L3MBTL4: variants seen among roughly 807,000 people sequenced by gnomAD.
L3MBTL4 encodes the protein lethal(3)malignant brain tumor-like protein 4.
L3MBTL4 carries 70 observed loss-of-function variants against 84.5 expected under a neutral mutation model. The ratio of observed to expected loss-of-function variants is 0.83; its 90% CI spans 0.68 to 1.01. L3MBTL4 has a LOEUF of 1.01. Among genes scored for constraint, L3MBTL4 ranks in the 50% least tolerant of loss-of-function variants. The pLI, the probability that L3MBTL4 is intolerant of heterozygous loss-of-function variation, is 0.00. For missense variants in L3MBTL4, 715 were observed against 754.8 expected, an observed-to-expected ratio of 0.95 and a Z score of 0.62; for synonymous variants, 274 against 259.8, an observed-to-expected ratio of 1.05 and a Z score of -0.52.
intron 16 of L3MBTL4, among the ~76,000 whole-genome samples, chr18:6,054,748 C>T (rs1296180855): frequency 6.6e-6 from 1 of 152,214 alleles, no homozygotes. Context: ...ATGGCCTGTG[C>T]CTAGAATAAT....
At chr18:6,171,767 C>T in intron 13 of L3MBTL4, 61 bp downstream of exon 13, 2 of 980,996 alleles carry the variant, frequency 2.0e-6, no homozygotes, top group Non-Finnish European at 3.1e-6. Flanking sequence ...GAATAAGCAA[C>T]ATTACGGCTG....
chr18:6,342,523 C>T (rs2052656720), intron 1 of L3MBTL4, among the ~76,000 whole-genome samples: 2 of 151,878 alleles, frequency 1.3e-5, no homozygotes, highest in Non-Finnish European at 2.9e-5. Context: ...ACTGCTGTAA[C>T]TGTAAGTGTT....
At chr18:6,041,552 G>A (rs977464198) in intron 16 of L3MBTL4, among the ~76,000 whole-genome samples, 7 of 148,618 alleles carry the variant, frequency 4.7e-5, no homozygotes, top group Non-Finnish European at 7.4e-5. Flanking sequence ...AATGGCAGTC[G>A]GGAAGAGCCT....
chr18:6,130,229 C>A (rs575226597), intron 14 of L3MBTL4, among the ~76,000 whole-genome samples: 1 of 152,214 alleles, frequency 6.6e-6, no homozygotes, highest in East Asian at 1.9e-4. Flanking sequence ...AGGCCTTAAA[C>A]CTGACTAGTG....
intron 12 of L3MBTL4, among the ~76,000 whole-genome samples, chr18:6,193,079 A>T (rs2045199085): frequency 6.6e-6 from 1 of 152,056 alleles, no homozygotes; most frequent in Non-Finnish European, 1.5e-5. Flanking sequence ...AGGATGTGAG[A>T]AACTGCAATC....
At position 6,197,908 on chromosome 18, in the gene L3MBTL4, C is replaced by T. The variant is rs541863419; in HGVS notation, c.981+15241G>A. 2.6e-5 allele frequency among the ~76,000 whole-genome samples: 4 copies of T among 152,306 alleles called. No individual in the cohort carries two copies. The South Asian group carries it at 8.3e-4, about 32-fold the overall frequency. On this transcript the variant is annotated intron_variant, in intron 12 of 18. Transcript: ENST00000317931. Reference sequence around the variant, plus strand: ...CACTGTTGAGCCCGCAGCCCAGAAGCGTCTGTTAGGTTAAGTGGTGCAGGT... The same window carrying T: ...CACTGTTGAGCCCGCAGCCCAGAAGTGTCTGTTAGGTTAAGTGGTGCAGGT...
Position 5,956,303 on chromosome 18 carries a change from T to C in L3MBTL4, c.1762A>G (p.Ile588Val). The C allele has an allele frequency of 1.2e-6, 2 of 1,614,130 alleles. No homozygotes were observed. Among genetic ancestry groups the C allele is most frequent in the Non-Finnish European group, 1.7e-6 (2 of 1,179,994 alleles). ...MKIKLGPALK[I>V]YNSILMFRHS... ...CTGAACATCAGGATAGAGTTGTAAATCTTCAGTGCTGGGCCCAGTTTGATC... is the reference window on the plus strand; with the variant it reads ...CTGAACATCAGGATAGAGTTGTAAACCTTCAGTGCTGGGCCCAGTTTGATC... The change falls in exon 19 of 19, where the codon ATT becomes GTT. Residue 588 changes from isoleucine to valine, a missense_variant. Transcript: ENST00000317931.
In L3MBTL4 at chr18:6,375,913, G is replaced by A. The variant is rs1158015507; in HGVS notation, c.-91+38888C>T. Among the ~76,000 whole-genome samples, 8 of 152,166 alleles carry A rather than the reference G, an allele frequency of 5.3e-5. No individual in the cohort carries two copies. The East Asian group carries it at 7.7e-4, about 15-fold the overall frequency. ...AACTCAGGCGAGGGCACTAGTTTAG[G>A]TTTAGACACGCTAAAAACATGAGGT... On this transcript the variant is annotated intron_variant, in intron 1 of 18. Coordinates refer to ENST00000317931, the MANE Select transcript of L3MBTL4 (RefSeq NM_001330559.2).
chr18:6,168,982 G>T (rs566010074), intron 13 of L3MBTL4, among the ~76,000 whole-genome samples: 1,661 of 151,972 alleles, frequency 0.011, 43 homozygotes, highest in African/African-American at 0.038. Context: ...AAATTTACAA[G>T]AAAAAAACAA....
chr18:6,147,782 T>C (rs1033292217), intron 13 of L3MBTL4, among the ~76,000 whole-genome samples: 9 of 152,196 alleles, frequency 5.9e-5, no homozygotes, highest in Non-Finnish European at 1.3e-4. Context: ...GGCAAAAATA[T>C]CATGTGGTAC....
In L3MBTL4 at chr18:6,353,922, G is replaced by GA. The variant is rs1220764917; in HGVS notation, c.-90-41867dup. Among the ~76,000 whole-genome samples, 9 of 151,950 alleles carry GA rather than the reference G, an allele frequency of 5.9e-5. No homozygotes were observed. The East Asian group carries it at 9.7e-4, about 16-fold the overall frequency. On this transcript the variant is annotated intron_variant, in intron 1 of 18. Coordinates refer to ENST00000317931, the MANE Select transcript of L3MBTL4 (RefSeq NM_001330559.2). ...ACCACTGACATTATTCACAGAAATAGAAAAAAGAATCCTAAAATTTATATG... is the reference window on the plus strand; with the variant it reads ...ACCACTGACATTATTCACAGAAATAGAAAAAAAGAATCCTAAAATTTATATG...
Position 6,241,597 on chromosome 18 carries a change from G to T in L3MBTL4, c.461-148C>A, listed in dbSNP as rs79623323. The stretch of plus-strand genomic sequence containing the variant: ...ATTACTTTTGCACCAACCTCATATG[G>T]TTATTATTAGTGTCCTGCCATAAAT... On this transcript the variant is annotated intron_variant, in intron 7 of 18. Coordinates refer to ENST00000317931, the MANE Select transcript of L3MBTL4 (RefSeq NM_001330559.2). 2,236 of 516,072 alleles carry T rather than the reference G, an allele frequency of 4.3e-3. 37 individuals carry two copies. Among genetic ancestry groups the T allele is most frequent in the African/African-American group, 0.038 (1,946 of 50,626 alleles). The allele number at this position is 516,072 out of a possible 1,614,324, so 32.0% of individuals were successfully genotyped here.
In L3MBTL4 at chr18:6,215,323, G is replaced by T. The variant is rs114721772; in HGVS notation, c.870+427C>A. Among the ~76,000 whole-genome samples the T allele has an allele frequency of 3.5e-3, 528 of 152,206 alleles. 1 individual carries two copies. Among genetic ancestry groups the T allele is most frequent in the African/African-American group, 0.012 (491 of 41,530 alleles). ...TATTCTAACAAATGCTGAAAGAAAG[G>T]TTTACCTCAAAATATATAACATTAT... On this transcript the variant is annotated intron_variant, in intron 11 of 18. Transcript: ENST00000317931.
intron 13 of L3MBTL4, among the ~76,000 whole-genome samples, chr18:6,140,532 A>T (rs1471542256): frequency 1.3e-5 from 2 of 152,116 alleles, no homozygotes; most frequent in Non-Finnish European, 2.9e-5. Flanking sequence ...GAGGACCAGG[A>T]GCCCATGGAC....
intron 1 of L3MBTL4, among the ~76,000 whole-genome samples, chr18:6,314,412 A>G (rs2050991113): frequency 6.6e-6 from 1 of 152,242 alleles, no homozygotes; most frequent in African/African-American, 2.4e-5. Context: ...AAGTAAAGGT[A>G]TATACCAACT....
At chr18:6,125,301 G>C (rs1268088881) in intron 14 of L3MBTL4, among the ~76,000 whole-genome samples, 2 of 152,174 alleles carry the variant, frequency 1.3e-5, no homozygotes, top group Non-Finnish European at 2.9e-5. Flanking sequence ...ATTGGCATAT[G>C]TACAAGTTAT....
intron 14 of L3MBTL4, among the ~76,000 whole-genome samples, chr18:6,109,280 G>A (rs774476880): frequency 2.6e-5 from 4 of 152,112 alleles, no homozygotes; most frequent in Non-Finnish European, 4.4e-5. Flanking sequence ...TTTAAGAAAC[G>A]TTTTTCTGTT....
chr18:5,962,105 G>T (rs2095266483), intron 17 of L3MBTL4, among the ~76,000 whole-genome samples: 1 of 152,186 alleles, frequency 6.6e-6, no homozygotes, highest in Admixed American at 6.5e-5. Context: ...AGCGGTGGAG[G>T]ATTGAGGGGA....
intron 1 of L3MBTL4, among the ~76,000 whole-genome samples, chr18:6,412,118 A>G (rs961283551): frequency 4.6e-5 from 7 of 151,976 alleles, no homozygotes; most frequent in Non-Finnish European, 2.9e-5. Flanking sequence ...TCCATTAGTT[A>G]TTCTTCCTGA....
Sources: gnomAD v4.1 joint callset for allele counts (sites outside exome capture counted in the v4.1 genomes callset) on GRCh38, gnomAD v4.1.1 for gene constraint, MANE v1.5 for transcripts, NCBI Gene and HGNC (gene_info 2026-07-23, HGNC 2026-07-21) for gene names.